DCLRE1C: variants seen among roughly 807,000 people sequenced by gnomAD.
DCLRE1C encodes the protein protein artemis.
Under a neutral mutation model 61.4 loss-of-function variants are expected in DCLRE1C, and 47 were observed. The ratio of observed to expected loss-of-function variants is 0.77; its 90% CI spans 0.61 to 0.98. The LOEUF is 0.98. DCLRE1C is among the 50% of genes least tolerant of loss of function. The pLI is 0.00. For missense variants in DCLRE1C, 858 were observed against 816.0 expected (o/e 1.05, Z -0.63); for synonymous variants, 337 against 287.6 (o/e 1.17, Z -1.74).
At chr10:14,902,733 C>A, downstream of DCLRE1C, 1 of 342,662 alleles carries the variant, frequency 2.9e-6, no homozygotes, top group Non-Finnish European at 5.4e-6. Flanking sequence ...TGCTTAGAGA[C>A]CAAACTAATG....
At chr10:14,940,712 C>T (rs2153794) in intron 3 of DCLRE1C, among the ~76,000 whole-genome samples, 326 of 131,196 alleles carry the variant, frequency 2.5e-3, no homozygotes, top group Middle Eastern at 0.014. Context: ...TGATTTTTCA[C>T]CTTTTTAGTC....
intron 11 of DCLRE1C, among the ~76,000 whole-genome samples, chr10:14,925,985 T>C (rs1480594191): frequency 2.0e-5 from 3 of 152,190 alleles, no homozygotes; most frequent in Admixed American, 6.5e-5. Flanking sequence ...GATGGTTTTA[T>C]AAGGGGCTTT....
intron 11 of DCLRE1C, among the ~76,000 whole-genome samples, chr10:14,925,505 C>T (rs1837826376): frequency 2.0e-5 from 3 of 152,306 alleles, no homozygotes; most frequent in African/African-American, 7.2e-5. Context: ...AGGGAAAATA[C>T]AGGGTTCCTG....
chr10:14,906,799 T>C lies in DCLRE1C; in HGVS notation c.*1609A>G, dbSNP rs1021461407. Among the ~76,000 whole-genome samples the C allele has an allele frequency of 5.3e-5, 8 of 152,226 alleles. No individual in the cohort carries two copies. The highest frequency in any genetic ancestry group is 1.9e-4 in the African/African-American group (8 of 41,454). On this transcript the variant is annotated 3_prime_UTR_variant, in exon 14 of 14. Transcript: ENST00000378278. ...TGTTAAAACTTGTTAAAAATCCTCA[T>C]ACATAACACAAAAGCCTAACACATT...
At chr10:14,934,106 T>C (rs1056571191) in intron 8 of DCLRE1C, among the ~76,000 whole-genome samples, 18 of 152,038 alleles carry the variant, frequency 1.2e-4, no homozygotes, top group Admixed American at 2.6e-4. Context: ...GGCAGGCAGA[T>C]AGCTTGAGGT....
intron 13 of DCLRE1C, among the ~76,000 whole-genome samples, chr10:14,917,865 A>C (rs1836461908): frequency 6.6e-6 from 1 of 152,200 alleles, no homozygotes; most frequent in Non-Finnish European, 1.5e-5. Context: ...TTGAATAGAC[A>C]CTTCACCAAT....
intron 2 of DCLRE1C, among the ~76,000 whole-genome samples, chr10:14,947,990 C>T (rs972465142): frequency 8.5e-5 from 13 of 152,208 alleles, no homozygotes; most frequent in Non-Finnish European, 1.6e-4. Context: ...AAAGAAGTTG[C>T]AGTGAGCTGA....
At chr10:14,928,536 C>T (rs559029791) in intron 9 of DCLRE1C, among the ~76,000 whole-genome samples, 5 of 152,296 alleles carry the variant, frequency 3.3e-5, no homozygotes, top group South Asian at 4.1e-4. Flanking sequence ...CATCTGAACA[C>T]GGACTGTGTA....
chr10:14,946,852 A>C (rs904000358), intron 2 of DCLRE1C, among the ~76,000 whole-genome samples: 2 of 152,094 alleles, frequency 1.3e-5, no homozygotes, highest in African/African-American at 4.8e-5. Context: ...TCCTATGCTC[A>C]GGTCATCCTC....
intron 11 of DCLRE1C, among the ~76,000 whole-genome samples, chr10:14,926,442 G>A (rs751435823): frequency 3.9e-5 from 6 of 152,060 alleles, no homozygotes; most frequent in African/African-American, 9.7e-5. Flanking sequence ...ATTACCTGAC[G>A]TCAGTTCAAA....
At chr10:14,903,310 T>G (rs1834144505), downstream of DCLRE1C, 5 of 152,154 alleles carry the variant, frequency 3.3e-5, no homozygotes, top group South Asian at 1.0e-3. Context: ...TGGAGCACTT[T>G]AAGGGCGCCT....
At chr10:14,911,646 G>A (rs1035491012) in intron 13 of DCLRE1C, among the ~76,000 whole-genome samples, 4 of 152,038 alleles carry the variant, frequency 2.6e-5, no homozygotes, top group Admixed American at 6.6e-5. Context: ...AAACCTTTAC[G>A]CTTCAAGACA....
chr10:14,901,014 C>G, downstream of DCLRE1C: 1 of 1,351,906 alleles, frequency 7.4e-7, no homozygotes, highest in East Asian at 2.4e-5. Context: ...AAGCAATAAG[C>G]AACTTAATTT....
Position 14,926,833 on chromosome 10 carries a change from A to C in DCLRE1C, c.972+10T>G. ...GCGATAAGGGTTATGAGTATATGGG[A>C]TCCTCTTACCTCACTGTAGGAGGAG... is the stretch of plus-strand genomic sequence containing the variant. On this transcript the variant is annotated intron_variant, in intron 11 of 13. Transcript: ENST00000378278. 1 of 1,608,832 alleles carries C rather than the reference A, an allele frequency of 6.2e-7. No homozygotes were observed. The highest frequency in any genetic ancestry group is 8.5e-7 in the Non-Finnish European group (1 of 1,175,246).
downstream of DCLRE1C, chr10:14,902,470 A>G: frequency 6.2e-7 from 1 of 1,606,936 alleles, no homozygotes; most frequent in Non-Finnish European, 8.5e-7. Flanking sequence ...TCAGAACAGT[A>G]TGTAAATGTG....
At chr10:14,932,982 A>C (rs766117350) in intron 8 of DCLRE1C, 27 bp from the exon 9 acceptor site, 2 of 1,602,146 alleles carry the variant, frequency 1.2e-6, no homozygotes, top group Admixed American at 3.3e-5. Flanking sequence ...ATACATGCAA[A>C]TTATGTGAAA....
intron 11 of DCLRE1C, among the ~76,000 whole-genome samples, chr10:14,924,575 G>A (rs988511979): frequency 2.0e-4 from 31 of 152,164 alleles, no homozygotes; most frequent in African/African-American, 6.3e-4. Flanking sequence ...CAGGCCAGGC[G>A]TGGTGGCTCA....
chr10:14,925,288 T>C (rs1048566668), intron 11 of DCLRE1C, among the ~76,000 whole-genome samples: 3 of 149,880 alleles, frequency 2.0e-5, no homozygotes, highest in East Asian at 2.0e-4. Flanking sequence ...CACTACTACT[T>C]CTCAGAGATG....
intron 3 of DCLRE1C, chr10:14,942,237 A>G (rs1840972564): frequency 6.6e-6 from 1 of 152,264 alleles, no homozygotes; most frequent in Non-Finnish European, 1.5e-5. Flanking sequence ...GCGGGAGACC[A>G]GCACTATTGA....
Sources: gnomAD v4.1 joint callset for allele counts (sites outside exome capture counted in the v4.1 genomes callset) on GRCh38, gnomAD v4.1.1 for gene constraint, MANE v1.5 for transcripts, NCBI Gene and HGNC (gene_info 2026-07-23, HGNC 2026-07-21) for gene names.